The following EPB41L5 variants were observed in gnomAD, a reference collection of about 807,000 sequenced individuals.
EPB41L5 encodes band 4.1-like protein 5.
EPB41L5 carries 55 observed loss-of-function variants against 106.6 expected under a neutral mutation model. The observed-to-expected ratio is 0.52, with a 90% CI of 0.42 to 0.65. EPB41L5 has a LOEUF of 0.65. Among genes scored for constraint, EPB41L5 ranks in the 30% least tolerant of loss-of-function variants. EPB41L5 has a pLI of 0.00. For synonymous variants in EPB41L5, 297 were observed against 306.7 expected (o/e 0.97, Z 0.33); for missense variants, 871 against 882.1 (o/e 0.99, Z 0.16).
intron 3 of EPB41L5, among the ~76,000 whole-genome samples, chr2:120,047,471 T>C (rs554156419): frequency 1.3e-5 from 2 of 152,112 alleles, no homozygotes; most frequent in East Asian, 3.9e-4. Flanking sequence ...TTGTCTGTGA[T>C]TGGTGTATAG....
intron 10 of EPB41L5, among the ~76,000 whole-genome samples, chr2:120,083,334 C>G (rs1391026538): frequency 6.6e-6 from 1 of 152,140 alleles, no homozygotes; most frequent in East Asian, 1.9e-4. Flanking sequence ...CAAAGAACAT[C>G]TTTATTTCTG....
intron 3 of EPB41L5, among the ~76,000 whole-genome samples, chr2:120,065,690 T>A (rs1253841885): frequency 6.6e-6 from 1 of 151,954 alleles, no homozygotes; most frequent in Non-Finnish European, 1.5e-5. Context: ...CTAATTTTTG[T>A]ATTTTTAGTA....
intron 10 of EPB41L5, among the ~76,000 whole-genome samples, chr2:120,085,495 C>T (rs1267252864): frequency 3.3e-5 from 5 of 152,150 alleles, no homozygotes; most frequent in Non-Finnish European, 5.9e-5. Context: ...GGTACCCAGC[C>T]GTGTGAGATG....
intron 20 of EPB41L5, among the ~76,000 whole-genome samples, chr2:120,147,770 A>T (rs72841644): frequency 1.1e-4 from 17 of 152,256 alleles, no homozygotes; most frequent in African/African-American, 4.1e-4. Flanking sequence ...GGACTGCCCA[A>T]TGTTCATCAG....
chr2:120,049,880 A>G (rs1432149350), intron 3 of EPB41L5, among the ~76,000 whole-genome samples: 1 of 152,056 alleles, frequency 6.6e-6, no homozygotes, highest in Non-Finnish European at 1.5e-5. Context: ...ATCTCTCACC[A>G]TTTGCTTGTC....
chr2:120,066,394 T>G (rs2105298087), intron 3 of EPB41L5, among the ~76,000 whole-genome samples: 1 of 152,370 alleles, frequency 6.6e-6, no homozygotes, highest in African/African-American at 2.4e-5. Flanking sequence ...ATTTATAATG[T>G]CTAATAACCT....
intron 20 of EPB41L5, among the ~76,000 whole-genome samples, chr2:120,154,385 G>A (rs1436847518): frequency 1.1e-4 from 17 of 150,632 alleles, no homozygotes; most frequent in African/African-American, 2.2e-4. Context: ...GGCTGGTCTC[G>A]AACTCCCGAC....
At chr2:120,135,779 C>T (rs1685898491) in intron 18 of EPB41L5, among the ~76,000 whole-genome samples, 1 of 152,100 alleles carries the variant, frequency 6.6e-6, no homozygotes, top group Non-Finnish European at 1.5e-5. Context: ...AGGAGAAATA[C>T]TTTCCCAGAC....
intron 24 of EPB41L5, among the ~76,000 whole-genome samples, chr2:120,171,722 T>C (rs1687682108): frequency 6.6e-6 from 1 of 152,188 alleles, no homozygotes; most frequent in Non-Finnish European, 1.5e-5. Context: ...ATCTGCCAAA[T>C]AATCACCAGG....
At chr2:120,024,776 C>T (rs1349280370) in intron 2 of EPB41L5, among the ~76,000 whole-genome samples, 1 of 152,032 alleles carries the variant, frequency 6.6e-6, no homozygotes, top group East Asian at 1.9e-4. Context: ...TGGTTTTTGT[C>T]ATTGGTTCTG....
At chr2:120,063,852 G>A (rs529753243) in intron 3 of EPB41L5, among the ~76,000 whole-genome samples, 1 of 152,228 alleles carries the variant, frequency 6.6e-6, no homozygotes, top group South Asian at 2.1e-4. Flanking sequence ...TGAGGCAGGA[G>A]AATCGCTTGA....
At chr2:120,072,120 G>C (rs1331412121) in intron 3 of EPB41L5, among the ~76,000 whole-genome samples, 3 of 152,162 alleles carry the variant, frequency 2.0e-5, no homozygotes, top group African/African-American at 7.2e-5. Flanking sequence ...AAAAGTGGGT[G>C]AAGGATATGA....
Position 120,073,215 on chromosome 2 carries a change from TAAAAAGTAAGTGCAGACA to T in EPB41L5, c.327_328+16del. The T allele has an allele frequency of 6.2e-7, 1 of 1,608,666 alleles. No homozygotes were observed. Among genetic ancestry groups the T allele is most frequent in the Non-Finnish European group, 8.5e-7 (1 of 1,178,652 alleles). ...GGTACAAAAAGCATCAAAAAGCAAG[TAAAAAGTAAGTGCAGACA>T]AAATTATTTGTGGGGGGGAAAGGAA... is the stretch of plus-strand genomic sequence containing the variant. On this transcript the variant is annotated splice_donor_variant and splice_donor_5th_base_variant and coding_sequence_variant and intron_variant, in exon 4 of 25. Transcript: ENST00000263713. LOFTEE classifies it high-confidence loss of function.
intron 14 of EPB41L5, among the ~76,000 whole-genome samples, chr2:120,099,340 C>T (rs1305000000): frequency 4.0e-5 from 3 of 74,160 alleles, no homozygotes; most frequent in Non-Finnish European, 3.6e-5. Context: ...TCTGTAGTTT[C>T]TGGGTTTTTT....
chr2:120,143,011 G>C lies in EPB41L5; in HGVS notation c.1608G>C (p.Val536=). The C allele has an allele frequency of 6.2e-7, 1 of 1,611,806 alleles. No individual in the cohort carries two copies. Among genetic ancestry groups the C allele is most frequent in the Non-Finnish European group, 8.5e-7 (1 of 1,178,222 alleles). Residue 536 remains valine (V), a synonymous_variant, in exon 19 of 25, where the codon GTG becomes GTC. Transcript: ENST00000263713. The stretch of plus-strand genomic sequence containing the variant: ...ATTTTTAAAATATCTAGGAGGAAGT[G>C]GTGAAGTTGACTGAGAAATGCCTTA... ...IDVNINSQEE[V]VKLTEKCLNN... is the part of the protein sequence containing the mutation.
chr2:120,092,013 TTTA>T (rs1216189289), intron 13 of EPB41L5, among the ~76,000 whole-genome samples: 11 of 2,068 alleles, frequency 5.3e-3, no homozygotes, highest in South Asian at 0.053. Flanking sequence ...AACATTTTTA[TTTA>T]TTTATTTATT....
rs1402114630 is a variant in EPB41L5 at position 120,160,989 on chromosome 2, ACTT to A, written c.1887+19_1887+21del. ...CTGTTCTAAAGGTAAGAATACTTTT[ACTT>A]CTTAAAATTTTTGCCAAAGACAGTT... On this transcript the variant is annotated intron_variant, in intron 21 of 24. Transcript: ENST00000263713. The A allele has an allele frequency of 1.9e-6, 3 of 1,604,272 alleles. No individual in the cohort carries two copies. Among genetic ancestry groups the A allele is most frequent in the Admixed American group, 1.7e-5 (1 of 59,928 alleles).
intron 19 of EPB41L5, 130 bp downstream of exon 19, chr2:120,143,261 A>T: frequency 6.4e-6 from 7 of 1,089,992 alleles, no homozygotes; most frequent in Non-Finnish European, 8.9e-6. Flanking sequence ...AAATAAGAGT[A>T]AAGATGCTCA....
chr2:120,057,111 C>T (rs1680709920), intron 3 of EPB41L5, among the ~76,000 whole-genome samples: 1 of 152,116 alleles, frequency 6.6e-6, no homozygotes, highest in South Asian at 2.1e-4. Flanking sequence ...CCAGACTGGT[C>T]TTGATCTCCT....
Sources: gnomAD v4.1 joint callset for allele counts (sites outside exome capture counted in the v4.1 genomes callset) on GRCh38, gnomAD v4.1.1 for gene constraint, MANE v1.5 for transcripts, NCBI Gene and HGNC (gene_info 2026-07-23, HGNC 2026-07-21) for gene names.